The following ZGRF1 variants were observed in gnomAD, a reference collection of about 807,000 sequenced individuals.
The protein encoded by ZGRF1 is zinc finger GRF-type containing 1.
Under a neutral mutation model 203.5 loss-of-function variants are expected in ZGRF1, and 196 were observed. The ratio of observed to expected loss-of-function variants is 0.96; its 90% CI spans 0.86 to 1.08. ZGRF1 has a LOEUF of 1.08. Ranked by LOEUF, ZGRF1 falls within the 50% of genes least tolerant of loss-of-function variation. The probability of loss-of-function intolerance (pLI) is 0.00; values close to 1 mark genes in which losing one functional copy is unlikely to be tolerated. For missense variants in ZGRF1, 2,326 were observed against 2,416.3 expected, an observed-to-expected ratio of 0.96 and a Z score of 0.78; for synonymous variants, 809 against 841.3, an observed-to-expected ratio of 0.96 and a Z score of 0.66.
At chr4:112,610,907 C>G (rs1199219498) in intron 7 of ZGRF1, 3 of 284,786 alleles carry the variant, frequency 1.1e-5, no homozygotes, top group Non-Finnish European at 2.0e-5. Context: ...GGATATAAAA[C>G]TATTTATATA....
At chr4:112,616,821 G>C (rs2046891343) in intron 6 of ZGRF1, among the ~76,000 whole-genome samples, 1 of 131,748 alleles carries the variant, frequency 7.6e-6, no homozygotes, top group Admixed American at 8.5e-5. Context: ...TGGACGACAA[G>C]AGTGAAACTG....
At chr4:112,585,358 T>C (rs1452752908) in intron 14 of ZGRF1, among the ~76,000 whole-genome samples, 183 bp downstream of exon 14, 1 of 152,228 alleles carries the variant, frequency 6.6e-6, no homozygotes. Context: ...TATTTTTGTA[T>C]CCTAGAGCAC....
Position 112,553,901 on chromosome 4 carries a change from T to G in ZGRF1, c.5280A>C (p.Glu1760Asp). The G allele has an allele frequency of 6.2e-7, 1 of 1,613,726 alleles. No homozygotes were observed. Among genetic ancestry groups the G allele is most frequent in the Non-Finnish European group, 8.5e-7 (1 of 1,179,766 alleles). ...CAATGCTTTTTCTCACATAGACTCT[T>G]TCCGTAGGAGTCAGGTCTTCTTTCA... ...ALMKEDLTPT[E>D]RVYVRKSIEQ... The change falls in exon 22 of 28, where the codon GAA becomes GAC. Residue 1760 changes from glutamate (E) to aspartate (D), a missense_variant. Coordinates refer to ENST00000505019, the MANE Select transcript of ZGRF1 (RefSeq NM_018392.5).
In ZGRF1 at chr4:112,617,633, A is replaced by T. The variant is rs774050129; in HGVS notation, c.2409T>A (p.Thr803=). Residue 803 remains threonine (T), a synonymous_variant, in exon 6 of 28, where the codon ACT becomes ACA. Coordinates refer to ENST00000505019, the MANE Select transcript of ZGRF1 (RefSeq NM_018392.5). ...TCCAGTATTGTTTGCCTTCTCTGGC[A>T]GTTTCAACCTCAACATGGTCAGGGG... ...SPPPDHVEVE[T]AREGKQYWNP... 5 of 1,613,406 alleles carry T rather than the reference A, an allele frequency of 3.1e-6. No individual in the cohort carries two copies. The East Asian group carries it at 8.9e-5, about 29-fold the overall frequency.
At chr4:112,616,221 C>A (rs955278226) in intron 6 of ZGRF1, among the ~76,000 whole-genome samples, 1 of 151,818 alleles carries the variant, frequency 6.6e-6, no homozygotes, top group African/African-American at 2.4e-5. Flanking sequence ...TGTGAGAGTA[C>A]AGAAACACAA....
chr4:112,563,285 A>T lies in ZGRF1; in HGVS notation c.4439-11T>A, dbSNP rs1419746963. 1.9e-6 allele frequency: 3 copies of T among 1,543,866 alleles called. No homozygotes were observed. Among genetic ancestry groups the T allele is most frequent in the African/African-American group, 2.7e-5 (2 of 72,780 alleles). ...CCACCCAAAGATCATCTGAAAAGAC[A>T]AACATTTTTAAATATTACACAGACA... is the stretch of plus-strand genomic sequence containing the variant. On this transcript the variant is annotated splice_polypyrimidine_tract_variant and intron_variant, in intron 16 of 27. Coordinates refer to ENST00000505019, the MANE Select transcript of ZGRF1 (RefSeq NM_018392.5).
intron 10 of ZGRF1, among the ~76,000 whole-genome samples, chr4:112,599,556 A>G (rs1749594914): frequency 7.0e-6 from 1 of 143,806 alleles, no homozygotes; most frequent in Non-Finnish European, 1.5e-5. Context: ...CCTGTGTCTA[A>G]AAAAAAAAAA....
intron 20 of ZGRF1, among the ~76,000 whole-genome samples, chr4:112,556,166 GA>G (rs1231580964): frequency 1.3e-5 from 2 of 151,718 alleles, no homozygotes; most frequent in African/African-American, 4.8e-5. Flanking sequence ...AGGGAAATTT[GA>G]AAAGTATATT....
Position 112,547,396 on chromosome 4 carries a change from T to C in ZGRF1, c.5487A>G (p.Glu1829=), listed in dbSNP as rs561211705. Reference sequence around the variant, plus strand: ...TGGGATCCCCAACAAGAATCAGCTTTTCACACTCAAACCTAAAACAGAATT... The same window carrying C: ...TGGGATCCCCAACAAGAATCAGCTTCTCACACTCAAACCTAAAACAGAATT... ...SLLPIARFEC[E]KLILVGDPKQ... is the part of the protein sequence containing the mutation. Residue 1829 remains glutamate (E), a synonymous_variant, in exon 24 of 28, where the codon GAA becomes GAG. Coordinates refer to ENST00000505019, the MANE Select transcript of ZGRF1 (RefSeq NM_018392.5). The C allele has an allele frequency of 2.9e-5, 46 of 1,610,672 alleles. No homozygotes were observed. In the South Asian group the frequency reaches 5.1e-4, roughly 18 times the overall value.
In ZGRF1 at chr4:112,560,845, G is replaced by A; in HGVS notation, c.4848C>T (p.Asn1616=). ...GAATTAGAGCTGTAGCTTGATCCTT[G>A]TTTAACTTGTGTACCTGAATCAACT... ...ASELIQVHKL[N]KDQATALIQI... Residue 1616 remains asparagine (N), a synonymous_variant, in exon 19 of 28, where the codon AAC becomes AAT. Transcript: ENST00000505019. 3 of 1,613,660 alleles carry A rather than the reference G, an allele frequency of 1.9e-6. No individual in the cohort carries two copies. The highest frequency in any genetic ancestry group is 1.3e-5 in the African/African-American group (1 of 75,030).
Position 112,539,526 on chromosome 4 carries a change from A to T in ZGRF1, c.*21T>A, listed in dbSNP as rs775184970. The stretch of plus-strand genomic sequence containing the variant: ...ATGAGTCTGAATTTACATAAATACA[A>T]AATATTTACACCATGTCTTTTTATG... On this transcript the variant is annotated 3_prime_UTR_variant, in exon 28 of 28. Transcript: ENST00000505019. 8.6e-7 allele frequency: 1 copy of T among 1,166,768 alleles called. No homozygotes were observed. The highest frequency in any genetic ancestry group is 1.4e-5 in the South Asian group (1 of 69,102). 72.3% of individuals were successfully genotyped at this position (1,166,768 alleles called of 1,614,324 possible).
chr4:112,600,354 C>T (rs1354561064), intron 10 of ZGRF1, among the ~76,000 whole-genome samples: 1 of 151,918 alleles, frequency 6.6e-6, no homozygotes, highest in Non-Finnish European at 1.5e-5. Context: ...TCTTAAGATA[C>T]AAAAGCGCTA....
chr4:112,597,008 G>A (rs1180034264), intron 10 of ZGRF1, among the ~76,000 whole-genome samples: 2 of 152,028 alleles, frequency 1.3e-5, no homozygotes, highest in Admixed American at 6.6e-5. Flanking sequence ...AAGGTCAGAA[G>A]TTTGAGGCCA....
rs1015014751 is a variant in ZGRF1, at chr4:112,617,689, G to T, written c.2353C>A (p.Pro785Thr). ...CTTCTAATCTTTCCCAAATCTTCAGGTTCAGATATATGTGCTTCTGTGTCT... is the reference window on the plus strand; with the variant it reads ...CTTCTAATCTTTCCCAAATCTTCAGTTTCAGATATATGTGCTTCTGTGTCT... ...SKDTEAHISE[P>T]EDLGKIRSPP... Residue 785 changes from proline to threonine, a missense_variant, in exon 6 of 28, where the codon CCT (proline) becomes ACT (threonine). Coordinates refer to ENST00000505019, the MANE Select transcript of ZGRF1 (RefSeq NM_018392.5). The T allele has an allele frequency of 2.5e-6, 4 of 1,613,828 alleles. No individual in the cohort carries two copies. The highest frequency in any genetic ancestry group is 1.7e-5 in the Admixed American group (1 of 59,992).
At chr4:112,634,767 G>T (rs983551245) in intron 1 of ZGRF1, among the ~76,000 whole-genome samples, 5 of 152,182 alleles carry the variant, frequency 3.3e-5, no homozygotes, top group African/African-American at 1.2e-4. Flanking sequence ...ATGCAAATGA[G>T]ATATGCATAC....
chr4:112,555,137 ATGTTATAC>A, intron 20 of ZGRF1, among the ~76,000 whole-genome samples: 1 of 152,188 alleles, frequency 6.6e-6, no homozygotes, highest in Non-Finnish European at 1.5e-5. Context: ...CTCTTTACAT[ATGTTATAC>A]TGTTTAACAC....
rs750549752 is a variant in ZGRF1, at chr4:112,589,779, C to A, written c.3072G>T (p.Glu1024Asp). 4.3e-6 allele frequency: 7 copies of A among 1,613,608 alleles called. No individual in the cohort carries two copies. The highest frequency in any genetic ancestry group is 5.9e-6 in the Non-Finnish European group (7 of 1,179,758). ...RDEDFMVEFS[E>D]TSLKARTLPD... ...GTAAAGTTCTTGCTTTCAGGGACGT[C>A]TCAGAGAATTCTACCATGAAGTCTT... The change falls in exon 11 of 28, where the codon GAG becomes GAT. Residue 1024 changes from glutamate to aspartate, a missense_variant. Transcript: ENST00000505019.
At chr4:112,582,266 C>A (rs187204835) in intron 15 of ZGRF1, among the ~76,000 whole-genome samples, 1 of 149,752 alleles carries the variant, frequency 6.7e-6, no homozygotes, top group Non-Finnish European at 1.5e-5. Context: ...TTATTGTTAA[C>A]TATAATTTCC....
At chr4:112,573,460 T>C (rs1744588463) in intron 16 of ZGRF1, among the ~76,000 whole-genome samples, 2 of 152,168 alleles carry the variant, frequency 1.3e-5, no homozygotes. Context: ...CGGTGTATAC[T>C]GATCAGGTGA....
Sources: allele counts gnomAD v4.1 joint callset (sites outside exome capture counted in the v4.1 genomes callset), GRCh38; gene constraint gnomAD v4.1.1; transcripts MANE v1.5; gene names NCBI Gene and HGNC (gene_info 2026-07-23, HGNC 2026-07-21).